TPPP2: variants seen among roughly 807,000 people sequenced by gnomAD.
TPPP2 encodes the protein tubulin polymerization promoting protein family member 2.
TPPP2 carries 8 observed loss-of-function variants against 13.0 expected under a neutral mutation model. That is an observed-to-expected ratio of 0.62 (90% CI 0.36 to 1.11). The LOEUF (loss-of-function observed/expected upper bound fraction) is 1.11, where lower values mean the gene tolerates loss of function less well. Among genes scored for constraint, TPPP2 ranks in the 50% most tolerant of loss-of-function variants. The probability of loss-of-function intolerance (pLI) is 0.02; values close to 1 mark genes in which losing one functional copy is unlikely to be tolerated. For missense variants in TPPP2, 213 were observed against 216.9 expected (o/e 0.98, Z 0.11); for synonymous variants, 81 against 81.8 (o/e 0.99, Z 0.05).
upstream of TPPP2, chr14:21,025,363 C>T: frequency 1.0e-6 from 1 of 985,388 alleles, no homozygotes; most frequent in Middle Eastern, 5.2e-4. This position sits in a 1 kb window ranked among gnomAD's most constrained non-coding sequence, Gnocchi z 5.1. Flanking sequence ...AGGGATCCCT[C>T]GGCTGCCCTC....
rs1884089127 is a variant in TPPP2, at chr14:21,031,172, G to T, written c.327+7G>T. 6.2e-7 allele frequency: 1 copy of T among 1,612,748 alleles called. No homozygotes were observed. Among genetic ancestry groups the T allele is most frequent in the Non-Finnish European group, 8.5e-7 (1 of 1,179,462 alleles). ...AGCCACCACTGGCGCTACTGTGAGT[G>T]ACAGCCTTCATCCCCTTGACCCTAC... is the stretch of plus-strand genomic sequence containing the variant. On this transcript the variant is annotated splice_region_variant and intron_variant, in intron 3 of 3. Coordinates refer to ENST00000321760, the MANE Select transcript of TPPP2 (RefSeq NM_173846.5).
chr14:21,025,343 C>T (rs1455871794), upstream of TPPP2: 2 of 984,984 alleles, frequency 2.0e-6, no homozygotes, highest in African/African-American at 3.5e-5. This position sits in a 1 kb window ranked among gnomAD's most constrained non-coding sequence, Gnocchi z 5.1. Flanking sequence ...GGGGATCCCT[C>T]AGCCCTGAGA....
upstream of TPPP2, chr14:21,028,963 G>A (rs1261167076): frequency 6.6e-6 from 1 of 152,218 alleles, no homozygotes; most frequent in Non-Finnish European, 1.5e-5. Flanking sequence ...TCATCTATCT[G>A]TAGTGCTTCT....
In TPPP2 at chr14:21,030,621, G is replaced by A; in HGVS notation, c.40G>A (p.Ala14Thr). Residue 14 changes from alanine (A) to threonine (T), a missense_variant, in exon 2 of 4, where the codon GCG becomes ACG. Coordinates refer to ENST00000321760, the MANE Select transcript of TPPP2 (RefSeq NM_173846.5). The stretch of plus-strand genomic sequence containing the variant: ...AGAAAAAACATTCCATCGGTTTGCT[G>A]CGTTTGGAGAATCATCAAGCAGTGG... ...EAEKTFHRFAAFGESSSSGTE... is the reference protein window; with the variant it reads ...EAEKTFHRFATFGESSSSGTE... The A allele has an allele frequency of 6.2e-7, 1 of 1,613,974 alleles. No individual in the cohort carries two copies. Among genetic ancestry groups the A allele is most frequent in the South Asian group, 1.1e-5 (1 of 91,010 alleles).
downstream of TPPP2, chr14:21,033,703 G>A (rs1884405377): frequency 6.4e-6 from 5 of 784,824 alleles, no homozygotes; most frequent in East Asian, 1.2e-4. Flanking sequence ...TGGTCTCTTG[G>A]GAGGGGACCC....
chr14:21,031,846 C>T (rs1050019880), intron 3 of TPPP2, 46 bp from the exon 4 acceptor site: 2 of 1,587,182 alleles, frequency 1.3e-6, no homozygotes, highest in African/African-American at 2.7e-5. Flanking sequence ...AGGGATATGA[C>T]AGCGTAAGGA....
chr14:21,031,023 C>T lies in TPPP2; in HGVS notation c.185C>T (p.Ala62Val). ...GTCTAACTGACCAGGGCCAAGAACGCCCGAACCATCACGTTTCAACAGTTC... is the reference window on the plus strand; with the variant it reads ...GTCTAACTGACCAGGGCCAAGAACGTCCGAACCATCACGTTTCAACAGTTC... The part of the protein sequence containing the change: ...IVFSKVKAKN[A>V]RTITFQQFKE... Residue 62 changes from alanine (A) to valine (V), a missense_variant, in exon 3 of 4, where the codon GCC (alanine) becomes GTC (valine). By Grantham distance (64) the Ala-to-Val change is moderately conservative (BLOSUM62 0). Coordinates refer to ENST00000321760, the MANE Select transcript of TPPP2 (RefSeq NM_173846.5). The T allele has an allele frequency of 1.2e-6, 2 of 1,609,512 alleles. No individual in the cohort carries two copies. Among genetic ancestry groups the T allele is most frequent in the Non-Finnish European group, 1.7e-6 (2 of 1,178,096 alleles).
chr14:21,025,346 C>G, upstream of TPPP2: 1 of 981,458 alleles, frequency 1.0e-6, no homozygotes, highest in East Asian at 1.1e-4. The surrounding 1 kb of genome is among the most constrained non-coding windows in gnomAD (Gnocchi z 5.1). Context: ...GATCCCTCAG[C>G]CCTGAGAGGG....
intron 2 of TPPP2, 93 bp downstream of exon 2, chr14:21,030,847 C>T: frequency 6.6e-7 from 1 of 1,518,716 alleles, no homozygotes; most frequent in East Asian, 2.3e-5. Flanking sequence ...TTGCAGTGGG[C>T]CTACCAAGCA....
At chr14:21,024,605 G>A (rs1409050516) in intron 1 of TPPP2, 3 of 985,312 alleles carry the variant, frequency 3.0e-6, no homozygotes, top group Middle Eastern at 5.2e-4. Context: ...CTCAGTCTCC[G>A]TGTAGGTCCC....
upstream of TPPP2, among the ~76,000 whole-genome samples, chr14:21,026,687 TCCCCCTACATCC>T (rs556902574): frequency 1.3e-5 from 2 of 151,880 alleles, no homozygotes; most frequent in South Asian, 4.2e-4. Flanking sequence ...TCTAAGGAGC[TCCCCCTACATCC>T]CCCAATTTGG....
rs1197343648 is a variant in TPPP2 at position 21,032,756 on chromosome 14, A to G, written c.*679A>G. On this transcript the variant is annotated 3_prime_UTR_variant, in exon 4 of 4. Transcript: ENST00000321760. ...TGGCCAGATGAGGCAGGCTGCCAGG[A>G]TTCCAAGAGCAGGAGTTCTGGTGCA... The G allele has an allele frequency of 5.5e-6, 2 of 365,616 alleles. No homozygotes were observed. Among genetic ancestry groups the G allele is most frequent in the African/African-American group, 4.3e-5 (2 of 46,714 alleles). The allele number at this position is 365,616 out of a possible 1,614,324, so 22.6% of individuals were successfully genotyped here.
Position 21,030,539 on chromosome 14 carries a change from C to T in TPPP2, c.-43C>T, listed in dbSNP as rs1373692112. 5.6e-6 allele frequency: 9 copies of T among 1,597,454 alleles called. No homozygotes were observed. Among genetic ancestry groups the T allele is most frequent in the South Asian group, 1.1e-5 (1 of 87,558 alleles). Reference sequence around the variant, plus strand: ...CCTCCCTCCCCCTTCTCCTTCACCCCCAAGTGTCTCCCACGACTGCCCTCC... The same window carrying T: ...CCTCCCTCCCCCTTCTCCTTCACCCTCAAGTGTCTCCCACGACTGCCCTCC... On this transcript the variant is annotated 5_prime_UTR_variant, in exon 2 of 4. Coordinates refer to ENST00000321760, the MANE Select transcript of TPPP2 (RefSeq NM_173846.5).
chr14:21,034,545 A>G, downstream of TPPP2: 1 of 470,426 alleles, frequency 2.1e-6, no homozygotes, highest in Non-Finnish European at 3.8e-6. Flanking sequence ...CTACATTTGC[A>G]GAATAAGAGC....
chr14:21,024,944 CAGGGG>C (rs1365738159), intron 1 of TPPP2: 1 of 985,508 alleles, frequency 1.0e-6, no homozygotes, highest in East Asian at 1.1e-4. Flanking sequence ...CCTCCAGCTC[CAGGGG>C]ACGCGGATCA....
downstream of TPPP2, chr14:21,033,900 G>A: frequency 6.2e-7 from 1 of 1,614,108 alleles, no homozygotes; most frequent in Non-Finnish European, 8.5e-7. Context: ...CTTCTGGTTG[G>A]TTAGGGTGCT....
chr14:21,035,413 G>A (rs1468412351), downstream of TPPP2, among the ~76,000 whole-genome samples: 2 of 152,212 alleles, frequency 1.3e-5, no homozygotes, highest in African/African-American at 2.4e-5. Context: ...AAAGGGCCAC[G>A]CTCCTATCTT....
rs765210175 is a variant in TPPP2 at position 21,031,966 on chromosome 14, T to C, written c.402T>C (p.Phe134=). 1 of 1,614,072 alleles carries C rather than the reference T, an allele frequency of 6.2e-7. No individual in the cohort carries two copies. The highest frequency in any genetic ancestry group is 2.2e-5 in the East Asian group (1 of 44,874). ...SKYTGTHKER[F]DESGKGKGIA... ...ACACCGGCACCCACAAGGAGCGCTT[T>C]GATGAGAGTGGCAAGGGCAAGGGCA... The change falls in exon 4 of 4, where the codon TTT becomes TTC. Residue 134 remains phenylalanine, a synonymous_variant. Transcript: ENST00000321760.
rs1417898575 is a variant in TPPP2, at chr14:21,032,293, C to G, written c.*216C>G. On this transcript the variant is annotated 3_prime_UTR_variant, in exon 4 of 4. Coordinates refer to ENST00000321760, the MANE Select transcript of TPPP2 (RefSeq NM_173846.5). ...CTCTGCTTAGCCTTATGCCTACCAG[C>G]CATCAGTTAGCATTCCTCCTCAACA... 1.5e-6 allele frequency: 1 copy of G among 657,428 alleles called. No individual in the cohort carries two copies. Among genetic ancestry groups the G allele is most frequent in the Non-Finnish European group, 2.8e-6 (1 of 356,454 alleles). The allele number at this position is 657,428 out of a possible 1,614,324, so 40.7% of individuals were successfully genotyped here.
Sources: gnomAD v4.1 joint callset for allele counts (sites outside exome capture counted in the v4.1 genomes callset) on GRCh38, gnomAD v4.1.1 for gene constraint, Gnocchi (gnomAD v3.1) non-coding constraint, MANE v1.5 for transcripts, NCBI Gene and HGNC (gene_info 2026-07-23, HGNC 2026-07-21) for gene names.